DDX54: variants seen among roughly 807,000 people sequenced by gnomAD.
DDX54 encodes ATP-dependent RNA helicase DDX54.
In DDX54, 67 loss-of-function variants were observed where a neutral mutation model predicts 105.5. The ratio of observed to expected loss-of-function variants is 0.64; its 90% CI spans 0.52 to 0.78. The LOEUF is 0.78. Among genes scored for constraint, DDX54 ranks in the 30% least tolerant of loss-of-function variants. The pLI, the probability that DDX54 is intolerant of heterozygous loss-of-function variation, is 0.00. For missense variants in DDX54, 1,206 were observed against 1,230.5 expected, an observed-to-expected ratio of 0.98 and a Z score of 0.30; for synonymous variants, 514 against 509.9, an observed-to-expected ratio of 1.01 and a Z score of -0.11.
At chr12:113,173,137 C>T (rs1011434614) in intron 10 of DDX54, among the ~76,000 whole-genome samples, 2 of 152,012 alleles carry the variant, frequency 1.3e-5, no homozygotes, top group South Asian at 2.1e-4. Flanking sequence ...ACCAGAAACT[C>T]GAGACTAGCC....
chr12:113,175,032 G>A lies in DDX54; in HGVS notation c.874+4C>T, dbSNP rs530052391. 3 of 1,608,710 alleles carry A rather than the reference G, an allele frequency of 1.9e-6. No individual in the cohort carries two copies. The highest frequency in any genetic ancestry group is 4.5e-5 in the East Asian group (2 of 44,676). ...GCCCCCATCTCCACCCCCAGCTCACGCACCAGCCCGGGCAAATTCCACCAG... is the reference window on the plus strand; with the variant it reads ...GCCCCCATCTCCACCCCCAGCTCACACACCAGCCCGGGCAAATTCCACCAG... On this transcript the variant is annotated splice_donor_region_variant and intron_variant, in intron 8 of 19. Transcript: ENST00000306014.
intron 5 of DDX54, 45 bp from the exon 6 acceptor site, chr12:113,177,138 G>A (rs1427166641): frequency 6.2e-7 from 1 of 1,603,796 alleles, no homozygotes; most frequent in Admixed American, 1.7e-5. Flanking sequence ...AGGTCTCTTT[G>A]GTTTCCCTTC....
Position 113,170,538 on chromosome 12 carries a change from C to T in DDX54, c.1280-634G>A, listed in dbSNP as rs145946753. On this transcript the variant is annotated intron_variant, in intron 11 of 19. Transcript: ENST00000306014. ...CCTGTAGCCCTAAGTACTTGGGAGG[C>T]TGAGCTGGGAGGATTGCTTGAATCT... is the stretch of plus-strand genomic sequence containing the variant. 2.6e-4 allele frequency among the ~76,000 whole-genome samples: 39 copies of T among 152,232 alleles called. 1 individual carries two copies. The highest frequency in any genetic ancestry group is 3.4e-3 in the Middle Eastern group (1 of 294).
chr12:113,158,745 T>C lies in DDX54; in HGVS notation c.*132A>G. On this transcript the variant is annotated 3_prime_UTR_variant, in exon 20 of 20. Coordinates refer to ENST00000306014, the MANE Select transcript of DDX54 (RefSeq NM_024072.4). This position sits in a 1 kb window ranked among gnomAD's most constrained non-coding sequence, Gnocchi z 4.9. ...TTCTGTGGCCATACAGTGCTCCTTT[T>C]CACAGATGATGGCTCCTGCAGGGAG... 2 of 1,031,876 alleles carry C rather than the reference T, an allele frequency of 1.9e-6. No homozygotes were observed. Among genetic ancestry groups the C allele is most frequent in the South Asian group, 3.6e-5 (2 of 54,916 alleles). The allele number at this position is 1,031,876 out of a possible 1,614,324, so 63.9% of individuals were successfully genotyped here.
In DDX54 at chr12:113,179,139, A is replaced by C. The variant is rs775092827; in HGVS notation, c.564+4T>G. On this transcript the variant is annotated splice_donor_region_variant and intron_variant, in intron 4 of 19. Transcript: ENST00000306014. ...CTCCAGCCTCTAGCCAAGCTCAGAC[A>C]CACCTCCTTAGTGAACTTCAGGGTC... 1.2e-6 allele frequency: 2 copies of C among 1,613,754 alleles called. No homozygotes were observed. The highest frequency in any genetic ancestry group is 1.7e-6 in the Non-Finnish European group (2 of 1,179,886).
rs546228251 is a variant in DDX54, at chr12:113,177,099, G to A, written c.615-6C>T. 3 of 1,614,002 alleles carry A rather than the reference G, an allele frequency of 1.9e-6. No homozygotes were observed. The South Asian group carries it at 3.3e-5, about 18-fold the overall frequency. The stretch of plus-strand genomic sequence containing the variant: ...CTGCAAACTGGTCTTCCATCCTAGA[G>A]AGGAGAGAAGGGGTTAGCTTGATAG... On this transcript the variant is annotated splice_region_variant and splice_polypyrimidine_tract_variant and intron_variant, in intron 5 of 19. Transcript: ENST00000306014.
intron 19 of DDX54, chr12:113,159,393 A>C (rs1952177946): frequency 2.1e-6 from 1 of 468,194 alleles, no homozygotes; most frequent in East Asian, 3.5e-5. Context: ...TCTATGAATT[A>C]TAAATCACAG....
intron 5 of DDX54, among the ~76,000 whole-genome samples, chr12:113,178,068 T>A (rs772689851): frequency 2.9e-4 from 44 of 152,074 alleles, no homozygotes; most frequent in Non-Finnish European, 4.6e-4. Flanking sequence ...AGACCTCATC[T>A]CTACAAAAAA....
Position 113,169,777 on chromosome 12 carries a change from C to T in DDX54, c.1407G>A (p.Glu469=). The part of the protein sequence containing the change: ...RSLTLARPLK[E]PSGVAGVDGM... ...CACCCAGCCTCCACTCACCTGAGGGCTCCTTGAGGGGTCGGGCGAGGGTGA... is the reference window on the plus strand; with the variant it reads ...CACCCAGCCTCCACTCACCTGAGGGTTCCTTGAGGGGTCGGGCGAGGGTGA... Residue 469 remains glutamate, a synonymous_variant, in exon 12 of 20, where the codon GAG becomes GAA. Transcript: ENST00000306014. 1.9e-6 allele frequency: 3 copies of T among 1,613,926 alleles called. No individual in the cohort carries two copies. The highest frequency in any genetic ancestry group is 2.5e-6 in the Non-Finnish European group (3 of 1,179,872).
In DDX54 at chr12:113,179,200, G is replaced by A; in HGVS notation, c.507C>T (p.Ala169=). The A allele has an allele frequency of 6.2e-7, 1 of 1,614,114 alleles. No individual in the cohort carries two copies. Among genetic ancestry groups the A allele is most frequent in the South Asian group, 1.1e-5 (1 of 91,078 alleles). ...GCTCTCGGGTCGGCGAGAGGATGAGGGCGCGGGCCCCGGTCTGGGCACTGT... is the reference window on the plus strand; with the variant it reads ...GCTCTCGGGTCGGCGAGAGGATGAGAGCGCGGGCCCCGGTCTGGGCACTGT... ...KTHSAQTGAR[A]LILSPTRELA... Residue 169 remains alanine (A), a synonymous_variant, in exon 4 of 20, where the codon GCC becomes GCT. Transcript: ENST00000306014.
intron 10 of DDX54, among the ~76,000 whole-genome samples, chr12:113,174,179 C>CA (rs745618043): frequency 3.4e-3 from 372 of 109,432 alleles, no homozygotes; most frequent in Middle Eastern, 9.8e-3. Flanking sequence ...ATACCATTTC[C>CA]AAAAAAAAAA....
intron 7 of DDX54, among the ~76,000 whole-genome samples, chr12:113,176,474 G>A (rs1952405112): frequency 6.6e-6 from 1 of 152,154 alleles, no homozygotes; most frequent in African/African-American, 2.4e-5. Context: ...GGCTAAGGCA[G>A]GAGAATCACT....
At chr12:113,173,559 C>T (rs1273070033) in intron 10 of DDX54, among the ~76,000 whole-genome samples, 1 of 152,114 alleles carries the variant, frequency 6.6e-6, no homozygotes, top group Non-Finnish European at 1.5e-5. Flanking sequence ...ACAGCGACTC[C>T]CCAGGCTTTG....
At chr12:113,185,049 C>T (rs973694817) in intron 1 of DDX54, among the ~76,000 whole-genome samples, 1 of 152,210 alleles carries the variant, frequency 6.6e-6, no homozygotes, top group African/African-American at 2.4e-5. Context: ...GGCAGGAAGG[C>T]CCGCAGGCTC....
chr12:113,166,302 G>C (rs1308076521), intron 12 of DDX54, among the ~76,000 whole-genome samples: 1 of 152,136 alleles, frequency 6.6e-6, no homozygotes, highest in Non-Finnish European at 1.5e-5. Context: ...ACTTGCTTAC[G>C]CATGGTCTCC....
At chr12:113,165,779 C>A in intron 13 of DDX54, 23 bp downstream of exon 13, 1 of 1,600,800 alleles carries the variant, frequency 6.2e-7, no homozygotes, top group Non-Finnish European at 8.5e-7. Context: ...ACCTGCCACC[C>A]CCTGCCTTGT....
chr12:113,166,037 A>T lies in DDX54; in HGVS notation c.1415-5T>A, dbSNP rs768077579. 3 of 1,598,908 alleles carry T rather than the reference A, an allele frequency of 1.9e-6. 1 individual carries two copies. The highest frequency in any genetic ancestry group is 8.5e-7 in the Non-Finnish European group (1 of 1,178,352). On this transcript the variant is annotated splice_region_variant and splice_polypyrimidine_tract_variant and intron_variant, in intron 12 of 19. Transcript: ENST00000306014. ...TGCCATCCACACCGGCCACACCTGC[A>T]CCCCACACAGCACCTTGTCAGAGGT... is the stretch of plus-strand genomic sequence containing the variant.
chr12:113,168,545 GTGGAGGCCCATAGT>G (rs1952301497), intron 12 of DDX54, among the ~76,000 whole-genome samples: 1 of 152,248 alleles, frequency 6.6e-6, no homozygotes, highest in Admixed American at 6.5e-5. Flanking sequence ...AGGACTGCAG[GTGGAGGCCCATAGT>G]TGGAGGCCCA....
At chr12:113,173,150 G>A (rs1952358976) in intron 10 of DDX54, among the ~76,000 whole-genome samples, 1 of 151,944 alleles carries the variant, frequency 6.6e-6, no homozygotes, top group Non-Finnish European at 1.5e-5. Flanking sequence ...GACTAGCCTG[G>A]GTAACACAGC....
Sources: gnomAD v4.1 joint callset for allele counts (sites outside exome capture counted in the v4.1 genomes callset) on GRCh38, gnomAD v4.1.1 for gene constraint, Gnocchi (gnomAD v3.1) non-coding constraint, MANE v1.5 for transcripts, NCBI Gene and HGNC (gene_info 2026-07-23, HGNC 2026-07-21) for gene names.